ATAD2B: variants seen among roughly 807,000 people sequenced by gnomAD.
The protein encoded by ATAD2B is ATPase family AAA domain-containing protein 2B.
Under a neutral mutation model 167.6 loss-of-function variants are expected in ATAD2B, and 40 were observed. That is an observed-to-expected ratio of 0.24 (90% confidence interval 0.19 to 0.31). The LOEUF (loss-of-function observed/expected upper bound fraction) is 0.31, where lower values mean the gene tolerates loss of function less well. Among genes scored for constraint, ATAD2B ranks in the 10% least tolerant of loss-of-function variants. The pLI is 1.00. For synonymous variants in ATAD2B, 579 were observed against 596.5 expected, an observed-to-expected ratio of 0.97 and a Z score of 0.43; for missense variants, 1,242 against 1,757.2, an observed-to-expected ratio of 0.71 and a Z score of 5.24.
intron 16 of ATAD2B, among the ~76,000 whole-genome samples, chr2:23,822,917 C>A (rs1289247232): frequency 1.2e-3 from 81 of 66,312 alleles, no homozygotes; most frequent in African/African-American, 2.5e-3. Context: ...AACTCCATCT[C>A]AAAAAAAAAA....
intron 4 of ATAD2B, 139 bp from the exon 5 acceptor site, chr2:23,885,968 A>ATC: frequency 1.8e-6 from 1 of 546,498 alleles, no homozygotes; most frequent in African/African-American, 2.0e-5. Flanking sequence ...TTTTTTAGAT[A>ATC]GAGTGTCCCT....
chr2:23,781,237 C>T (rs1200346221), intron 22 of ATAD2B, among the ~76,000 whole-genome samples: 1 of 151,942 alleles, frequency 6.6e-6, no homozygotes, highest in African/African-American at 2.4e-5. Flanking sequence ...CAGACAAGGC[C>T]ACCCTGTGCT....
At chr2:23,757,105 T>G (rs535553796) in intron 25 of ATAD2B, among the ~76,000 whole-genome samples, 42 of 152,292 alleles carry the variant, frequency 2.8e-4, no homozygotes, top group African/African-American at 9.4e-4. Flanking sequence ...GTGGATTTAC[T>G]CAGCTTTCAG....
intron 19 of ATAD2B, among the ~76,000 whole-genome samples, chr2:23,792,148 C>T (rs538542969): frequency 6.6e-6 from 1 of 151,530 alleles, no homozygotes; most frequent in African/African-American, 2.4e-5. Context: ...CTGCAAGCTC[C>T]GCCTCCTGGG....
chr2:23,760,688 A>ATT (rs1375168973), intron 24 of ATAD2B, among the ~76,000 whole-genome samples: 2 of 119,208 alleles, frequency 1.7e-5, no homozygotes, highest in African/African-American at 5.9e-5. Flanking sequence ...AAATAAATAA[A>ATT]TTTATATATA....
At chr2:23,813,502 C>T (rs566508020) in intron 17 of ATAD2B, among the ~76,000 whole-genome samples, 2 of 150,952 alleles carry the variant, frequency 1.3e-5, no homozygotes, top group African/African-American at 4.9e-5. Context: ...TGGGAGACTG[C>T]GGTGGGGGGA....
intron 1 of ATAD2B, among the ~76,000 whole-genome samples, chr2:23,908,885 GA>G (rs754057659): frequency 6.0e-4 from 84 of 138,972 alleles, no homozygotes; most frequent in African/African-American, 1.8e-3. Context: ...ACTATCGCAA[GA>G]AAAAAAAAAA....
At chr2:23,818,969 GTTAT>G in intron 17 of ATAD2B, among the ~76,000 whole-genome samples, 1 of 152,104 alleles carries the variant, frequency 6.6e-6, no homozygotes, top group Non-Finnish European at 1.5e-5. Context: ...AAATCAAAAA[GTTAT>G]TTAATTACTG....
chr2:23,923,787 T>C (rs183854491), intron 1 of ATAD2B, among the ~76,000 whole-genome samples: 38 of 152,314 alleles, frequency 2.5e-4, no homozygotes, highest in South Asian at 1.0e-3. Context: ...CTCATAGCGC[T>C]ATGACTTTTT....
At chr2:23,863,669 G>C in intron 11 of ATAD2B, 114 bp from the exon 12 acceptor site, 1 of 992,788 alleles carries the variant, frequency 1.0e-6, no homozygotes, top group Non-Finnish European at 1.4e-6. Context: ...ATAATTATTA[G>C]ACATTGATAA....
chr2:23,784,166 T>G (rs2712091), intron 21 of ATAD2B, among the ~76,000 whole-genome samples: 5,847 of 152,194 alleles, frequency 0.038, 109 homozygotes, highest in Admixed American at 0.046. Flanking sequence ...AAGTGGAAAC[T>G]GTTTTATAAA....
Position 23,754,767 on chromosome 2 carries a change from A to C in ATAD2B, c.4086T>G (p.Ser1362=). Residue 1362 remains serine, a synonymous_variant, in exon 26 of 28, where the codon TCT becomes TCG. Coordinates refer to ENST00000238789, the MANE Select transcript of ATAD2B (RefSeq NM_017552.4). ...TTAATTTACGGTATTTCTTTACTTT[A>C]GAAGCACCTATAATTGAGACAAAAA... ...KDAELDKEGA[S]KVKKYRKLIL... is the part of the protein sequence containing the mutation. The C allele has an allele frequency of 2.5e-6, 4 of 1,612,022 alleles. No individual in the cohort carries two copies. The highest frequency in any genetic ancestry group is 3.4e-6 in the Non-Finnish European group (4 of 1,178,838).
intron 1 of ATAD2B, among the ~76,000 whole-genome samples, chr2:23,923,092 T>C (rs1416120183): frequency 6.6e-6 from 1 of 152,152 alleles, no homozygotes. Flanking sequence ...AGCTAAGACA[T>C]GGAAACAATC....
the ATAD2B span, among the ~76,000 whole-genome samples, chr2:23,680,300 C>T: frequency 1.3e-5 from 2 of 152,016 alleles, no homozygotes; most frequent in African/African-American, 2.4e-5. The surrounding 1 kb of genome is among the most constrained non-coding windows in gnomAD (Gnocchi z 4.1). Context: ...GGCAGTGGAC[C>T]GTCTTCCACG....
chr2:23,896,558 G>T (rs1371502312), intron 1 of ATAD2B, among the ~76,000 whole-genome samples: 2 of 151,892 alleles, frequency 1.3e-5, no homozygotes, highest in African/African-American at 2.4e-5. Context: ...TTTTTTGTAT[G>T]ACACAATCCC....
the ATAD2B span, among the ~76,000 whole-genome samples, chr2:23,736,235 C>G: frequency 6.6e-6 from 1 of 152,168 alleles, no homozygotes; most frequent in Non-Finnish European, 1.5e-5. Flanking sequence ...GAACCCCCCC[C>G]ATTGTTACTA....
At chr2:23,736,509 G>A in the ATAD2B span, among the ~76,000 whole-genome samples, 1 of 152,182 alleles carries the variant, frequency 6.6e-6, no homozygotes, top group African/African-American at 2.4e-5. Context: ...TACCCTCACA[G>A]AGATGAGCTG....
the ATAD2B span, among the ~76,000 whole-genome samples, chr2:23,681,404 G>A: frequency 5.3e-5 from 8 of 152,230 alleles, no homozygotes; most frequent in African/African-American, 1.9e-4. The surrounding 1 kb of genome is among the most constrained non-coding windows in gnomAD (Gnocchi z 4.2). Flanking sequence ...TCCTGGAGCA[G>A]AAGGTGTCAC....
chr2:23,739,814 AAAG>A, the ATAD2B span, among the ~76,000 whole-genome samples: 1 of 152,182 alleles, frequency 6.6e-6, no homozygotes, highest in Non-Finnish European at 1.5e-5. Context: ...CAAGACTAAT[AAAG>A]AAGAAAAGAG....
Sources: allele counts gnomAD v4.1 joint callset (sites outside exome capture counted in the v4.1 genomes callset), GRCh38; gene constraint gnomAD v4.1.1; non-coding constraint Gnocchi (gnomAD v3.1); transcripts MANE v1.5; gene names NCBI Gene and HGNC (gene_info 2026-07-23, HGNC 2026-07-21).